Variants in FBXL17 observed in about 807,000 individuals in gnomAD.
The protein encoded by FBXL17 is F-box/LRR-repeat protein 17.
Under a neutral mutation model 66.2 loss-of-function variants are expected in FBXL17, and 22 were observed. The ratio of observed to expected loss-of-function variants is 0.33; its 90% CI spans 0.24 to 0.47. FBXL17 has a LOEUF of 0.47. Among genes scored for constraint, FBXL17 ranks in the 20% least tolerant of loss-of-function variants. FBXL17 has a pLI of 1.00. For missense variants in FBXL17, 878 were observed against 948.2 expected, an observed-to-expected ratio of 0.93 and a Z score of 0.97; for synonymous variants, 474 against 400.5, an observed-to-expected ratio of 1.18 and a Z score of -2.19.
At chr5:108,045,490 G>C (rs1369114548) in intron 6 of FBXL17, among the ~76,000 whole-genome samples, 8 of 152,072 alleles carry the variant, frequency 5.3e-5, no homozygotes, top group Non-Finnish European at 1.2e-4. Context: ...CCTTCTGCTA[G>C]TGTTGGCTTT....
intron 3 of FBXL17, among the ~76,000 whole-genome samples, chr5:108,355,147 C>A (rs1241399958): frequency 1.3e-5 from 2 of 151,696 alleles, no homozygotes; most frequent in Admixed American, 1.3e-4. Flanking sequence ...CTTAATTAAG[C>A]TAGCAGATAA....
intron 5 of FBXL17, among the ~76,000 whole-genome samples, chr5:108,188,981 G>C (rs1370858551): frequency 2.6e-5 from 4 of 152,196 alleles, no homozygotes; most frequent in Non-Finnish European, 5.9e-5. Context: ...GCTCTTTGCT[G>C]TGCTTTCTTC....
chr5:107,919,202 T>C (rs955120019), intron 7 of FBXL17, among the ~76,000 whole-genome samples: 5 of 152,176 alleles, frequency 3.3e-5, no homozygotes, highest in Middle Eastern at 3.2e-3. Context: ...TAATAAATAA[T>C]TGGGATGACA....
intron 7 of FBXL17, among the ~76,000 whole-genome samples, chr5:107,888,498 G>A (rs927705104): frequency 3.3e-5 from 5 of 152,082 alleles, no homozygotes; most frequent in African/African-American, 7.2e-5. Context: ...GCACGCCTGC[G>A]GTCTTTCATC....
intron 6 of FBXL17, among the ~76,000 whole-genome samples, chr5:108,093,100 C>A (rs286822): frequency 1.3e-5 from 2 of 152,020 alleles, no homozygotes; most frequent in Non-Finnish European, 2.9e-5. Flanking sequence ...TCCCTCCCCC[C>A]ATACATGCAT....
chr5:108,016,981 G>A (rs1193926842), intron 7 of FBXL17, among the ~76,000 whole-genome samples: 1 of 152,024 alleles, frequency 6.6e-6, no homozygotes, highest in African/African-American at 2.4e-5. Context: ...GTTTTACCAT[G>A]TTGGTCAGGC....
intron 3 of FBXL17, among the ~76,000 whole-genome samples, chr5:108,354,186 G>T (rs1409062223): frequency 6.6e-6 from 1 of 152,094 alleles, no homozygotes; most frequent in Non-Finnish European, 1.5e-5. Context: ...AAATTAAAAG[G>T]CATACCAACA....
At chr5:108,009,010 G>A (rs1266566357) in intron 7 of FBXL17, among the ~76,000 whole-genome samples, 1 of 150,800 alleles carries the variant, frequency 6.6e-6, no homozygotes, top group East Asian at 2.0e-4. Flanking sequence ...GAAAAAAAAG[G>A]GAAATTTAAC....
At chr5:108,092,758 G>A (rs1749233685) in intron 6 of FBXL17, among the ~76,000 whole-genome samples, 1 of 152,188 alleles carries the variant, frequency 6.6e-6, no homozygotes, top group Non-Finnish European at 1.5e-5. Context: ...CCTGAGGGAT[G>A]AATGTTTCCC....
chr5:107,898,341 T>TC (rs1749450925), intron 7 of FBXL17, among the ~76,000 whole-genome samples: 1 of 152,046 alleles, frequency 6.6e-6, no homozygotes, highest in Admixed American at 6.5e-5. Context: ...TTACCTGTAC[T>TC]CCACCTCTTC....
At chr5:108,088,474 G>C (rs560701767) in intron 6 of FBXL17, among the ~76,000 whole-genome samples, 1 of 151,896 alleles carries the variant, frequency 6.6e-6, no homozygotes, top group South Asian at 2.1e-4. Flanking sequence ...GGCCAAGTCG[G>C]GGGGAACATG....
intron 7 of FBXL17, among the ~76,000 whole-genome samples, chr5:107,896,617 T>C (rs547492626): frequency 1.3e-5 from 2 of 152,144 alleles, no homozygotes; most frequent in South Asian, 2.1e-4. Flanking sequence ...AGGAATAACA[T>C]CATGGGACAT....
chr5:108,368,261 A>G (rs1346295830), intron 1 of FBXL17, among the ~76,000 whole-genome samples: 1 of 152,002 alleles, frequency 6.6e-6, no homozygotes, highest in Non-Finnish European at 1.5e-5. Context: ...GCATTAACCA[A>G]AAACTAATAA....
chr5:108,182,289 T>G (rs1158855260), intron 6 of FBXL17, among the ~76,000 whole-genome samples: 1 of 152,204 alleles, frequency 6.6e-6, no homozygotes, highest in Non-Finnish European at 1.5e-5. Flanking sequence ...TGCATTCCAG[T>G]GCCCTCTATA....
At chr5:108,131,296 T>C (rs1283311297) in intron 6 of FBXL17, among the ~76,000 whole-genome samples, 4 of 152,142 alleles carry the variant, frequency 2.6e-5, no homozygotes, top group African/African-American at 9.7e-5. Flanking sequence ...TCTGTGACTG[T>C]TTGGTAATAA....
intron 7 of FBXL17, among the ~76,000 whole-genome samples, chr5:107,929,391 G>A (rs1750652011): frequency 1.3e-5 from 2 of 152,070 alleles, no homozygotes; most frequent in Admixed American, 1.3e-4. Context: ...TAACCTAAAT[G>A]CTCTAAAATT....
At chr5:108,114,162 C>G (rs1423757867) in intron 6 of FBXL17, among the ~76,000 whole-genome samples, 2 of 152,000 alleles carry the variant, frequency 1.3e-5, no homozygotes, top group Admixed American at 1.3e-4. Flanking sequence ...AAGAAAGTAC[C>G]CCTCCCGAAG....
intron 6 of FBXL17, among the ~76,000 whole-genome samples, chr5:108,075,067 TA>T (rs1474179072): frequency 6.6e-6 from 1 of 152,214 alleles, no homozygotes; most frequent in Non-Finnish European, 1.5e-5. Context: ...CTTTATTTTT[TA>T]AAGATCTAGA....
At chr5:107,946,455 A>AATTATTATTATTATTATT (rs143145847) in intron 7 of FBXL17, among the ~76,000 whole-genome samples, 60 of 140,320 alleles carry the variant, frequency 4.3e-4, no homozygotes, top group African/African-American at 6.7e-4. Flanking sequence ...CACACCTGCC[A>AATTATTATTATTATTATT]ATTATTATTA....
Sources: allele counts gnomAD v4.1 joint callset (sites outside exome capture counted in the v4.1 genomes callset), GRCh38; gene constraint gnomAD v4.1.1; transcripts MANE v1.5; gene names NCBI Gene and HGNC (gene_info 2026-07-23, HGNC 2026-07-21).